The following SNX29 variants were observed in gnomAD, a reference collection of about 807,000 sequenced individuals.
The protein encoded by SNX29 is sorting nexin-29.
A neutral mutation model predicts 102.1 loss-of-function variants in SNX29; 78 were observed. The ratio of observed to expected loss-of-function variants is 0.76; its 90% CI spans 0.64 to 0.92. SNX29 has a LOEUF of 0.92. Ranked by LOEUF, SNX29 falls within the 40% of genes least tolerant of loss-of-function variation. The pLI is 0.00. For missense variants in SNX29, 1,280 were observed against 1,061.7 expected (o/e 1.21, Z -2.86); for synonymous variants, 580 against 414.5 (o/e 1.40, Z -4.85).
At chr16:12,259,944 T>TCTGCCC (rs1170164855) in intron 14 of SNX29, among the ~76,000 whole-genome samples, 2 of 152,110 alleles carry the variant, frequency 1.3e-5, no homozygotes, top group African/African-American at 4.8e-5. Flanking sequence ...TGCCTCTGCC[T>TCTGCCC]CTGCCCCATG....
intron 20 of SNX29, among the ~76,000 whole-genome samples, chr16:12,534,344 T>C (rs1386087951): frequency 6.6e-6 from 1 of 152,190 alleles, no homozygotes; most frequent in African/African-American, 2.4e-5. Flanking sequence ...TGTCCTGGTC[T>C]TTGGAGAGGT....
intron 16 of SNX29, among the ~76,000 whole-genome samples, chr16:12,394,934 G>T (rs897013321): frequency 2.6e-5 from 4 of 152,272 alleles, no homozygotes; most frequent in African/African-American, 9.6e-5. Context: ...TGTCATGCTT[G>T]CACACCCCTC....
intron 3 of SNX29, among the ~76,000 whole-genome samples, chr16:12,017,206 A>G (rs986908611): frequency 7.2e-5 from 11 of 152,186 alleles, no homozygotes; most frequent in South Asian, 2.1e-4. Context: ...TCCTATTGGC[A>G]ATACCTATTT....
At chr16:12,073,341 A>G (rs548250917) in intron 10 of SNX29, among the ~76,000 whole-genome samples, 8 of 151,904 alleles carry the variant, frequency 5.3e-5, no homozygotes, top group Non-Finnish European at 1.0e-4. Context: ...ACACTGCTTC[A>G]AATGTGTCCC....
chr16:12,365,792 C>T (rs996400790), intron 16 of SNX29, among the ~76,000 whole-genome samples: 19 of 151,696 alleles, frequency 1.3e-4, no homozygotes, highest in Admixed American at 1.2e-3. Context: ...CCTGTAATCC[C>T]AGCACTTTGG....
At chr16:12,331,049 C>T (rs754773842) in intron 15 of SNX29, among the ~76,000 whole-genome samples, 1 of 152,230 alleles carries the variant, frequency 6.6e-6, no homozygotes, top group African/African-American at 2.4e-5. Flanking sequence ...CAGTTCCTTG[C>T]TTCAGAGCCT....
chr16:12,257,303 CT>C (rs1343605047), intron 14 of SNX29, among the ~76,000 whole-genome samples: 2 of 152,188 alleles, frequency 1.3e-5, no homozygotes, highest in African/African-American at 4.8e-5. Context: ...CTCTCTTCTG[CT>C]TTCGACTGGA....
intron 11 of SNX29, among the ~76,000 whole-genome samples, chr16:12,084,393 C>G (rs747769571): frequency 6.6e-6 from 1 of 152,206 alleles, no homozygotes; most frequent in Admixed American, 6.5e-5. Flanking sequence ...ATCCGCCCAC[C>G]TCGGCTTTCC....
At chr16:12,540,345 C>T (rs565575375) in intron 20 of SNX29, among the ~76,000 whole-genome samples, 66 of 152,232 alleles carry the variant, frequency 4.3e-4, no homozygotes, top group Non-Finnish European at 7.5e-4. Flanking sequence ...TAAAGAGGAA[C>T]GTTATCCCCT....
Position 12,075,549 on chromosome 16 carries a change from C to T in SNX29, c.1320-3284C>T, listed in dbSNP as rs184357114. Among the ~76,000 whole-genome samples the T allele has an allele frequency of 5.5e-3, 831 of 152,256 alleles. 6 individuals are homozygous for T. The highest frequency in any genetic ancestry group is 0.035 in the South Asian group (167 of 4,824). The stretch of plus-strand genomic sequence containing the variant: ...GTTTTGTCTCAGAGGAGTACCCAGC[C>T]GTGTGAGGTGTCAGTCTGCCCCTAC... On this transcript the variant is annotated intron_variant, in intron 10 of 20. Coordinates refer to ENST00000566228, the MANE Select transcript of SNX29 (RefSeq NM_032167.5).
intron 4 of SNX29, among the ~76,000 whole-genome samples, chr16:12,036,486 C>T (rs2057477899): frequency 6.6e-6 from 1 of 152,100 alleles, no homozygotes; most frequent in Non-Finnish European, 1.5e-5. Flanking sequence ...AGGTGCCCGC[C>T]ACCACGCCCA....
chr16:11,995,060 C>T (rs1414537214), intron 1 of SNX29, among the ~76,000 whole-genome samples: 1 of 151,980 alleles, frequency 6.6e-6, no homozygotes, highest in Non-Finnish European at 1.5e-5. Context: ...CTAGTAAACC[C>T]CCTTCTCTCT....
intron 13 of SNX29, among the ~76,000 whole-genome samples, chr16:12,132,333 C>T (rs1213565601): frequency 6.6e-6 from 1 of 152,184 alleles, no homozygotes; most frequent in Non-Finnish European, 1.5e-5. Context: ...CTCCTGACCT[C>T]AGGTGATCCT....
chr16:12,242,621 CTCTTCTTCTCT>C (rs1042364711), intron 14 of SNX29, among the ~76,000 whole-genome samples: 8 of 148,968 alleles, frequency 5.4e-5, no homozygotes, highest in African/African-American at 2.0e-4. Context: ...TCTTCTTCCT[CTCTTCTTCTCT>C]TCTTCTTTTC....
In SNX29 at chr16:12,571,513, C is replaced by A; in HGVS notation, c.*2884C>A. ...ACGAGGGTGGCCCACCTCTCAAGGG[C>A]CTTGGATTCCTGGGACCACCCTTTG... is the stretch of plus-strand genomic sequence containing the variant. On this transcript the variant is annotated 3_prime_UTR_variant, in exon 21 of 21. Transcript: ENST00000566228. 1.6e-6 allele frequency: 1 copy of A among 626,524 alleles called. No homozygotes were observed. The highest frequency in any genetic ancestry group is 2.1e-6 in the Non-Finnish European group (1 of 478,672). 38.8% of individuals were successfully genotyped at this position (626,524 alleles called of 1,614,324 possible). A position where few individuals can be genotyped will look rare whatever the true frequency, so the allele number is the denominator to read the frequency against.
intron 18 of SNX29, among the ~76,000 whole-genome samples, chr16:12,450,171 T>A (rs1195186404): frequency 3.3e-5 from 5 of 152,190 alleles, no homozygotes; most frequent in African/African-American, 1.2e-4. Context: ...GAACTGTGAG[T>A]CCATTAAACC....
intron 20 of SNX29, among the ~76,000 whole-genome samples, chr16:12,534,221 A>G (rs986029581): frequency 6.6e-6 from 1 of 152,164 alleles, no homozygotes; most frequent in Admixed American, 6.5e-5. Context: ...GGTCCATTGG[A>G]GTAATCGTCG....
chr16:12,117,773 A>G (rs746569064), intron 11 of SNX29, among the ~76,000 whole-genome samples: 1 of 152,324 alleles, frequency 6.6e-6, no homozygotes, highest in Non-Finnish European at 1.5e-5. Flanking sequence ...ATGTGATATG[A>G]ATCGTACCTC....
intron 20 of SNX29, among the ~76,000 whole-genome samples, chr16:12,536,401 C>G (rs753515628): frequency 2.6e-5 from 4 of 151,872 alleles, no homozygotes; most frequent in Non-Finnish European, 1.5e-5. Flanking sequence ...AAGGTACAAG[C>G]AGAATGGCCT....
Sources: allele counts gnomAD v4.1 joint callset (sites outside exome capture counted in the v4.1 genomes callset), GRCh38; gene constraint gnomAD v4.1.1; transcripts MANE v1.5; gene names NCBI Gene and HGNC (gene_info 2026-07-23, HGNC 2026-07-21).